The following RPSA2 variants were observed in gnomAD, a reference collection of about 807,000 sequenced individuals.
RPSA2 encodes the protein small ribosomal subunit protein uS2B.
chr19:23,862,096 C>T, the RPSA2 span, among the ~76,000 whole-genome samples: 1 of 151,968 alleles, frequency 6.6e-6, no homozygotes, highest in African/African-American at 2.4e-5. Context: ...CCTTCACGTC[C>T]CTTGTAAGTT....
the RPSA2 span, among the ~76,000 whole-genome samples, chr19:23,864,443 C>G: frequency 6.6e-6 from 1 of 152,044 alleles, no homozygotes; most frequent in South Asian, 2.1e-4. Flanking sequence ...ATACCCATAC[C>G]CCAAAGCATA....
At chr19:23,799,649 TAACCC>T in the RPSA2 span, among the ~76,000 whole-genome samples, 2 of 51,994 alleles carry the variant, frequency 3.8e-5, no homozygotes, top group Admixed American at 2.6e-4. Flanking sequence ...CGGAGTACTG[TAACCC>T]CGTCCTCAGG....
At chr19:23,764,167 A>T in the RPSA2 span, among the ~76,000 whole-genome samples, 1 of 152,174 alleles carries the variant, frequency 6.6e-6, no homozygotes, top group African/African-American at 2.4e-5. Context: ...CTGCTTTTTA[A>T]TTACTTTAAC....
At chr19:23,806,036 C>CTTCT in the RPSA2 span, among the ~76,000 whole-genome samples, 7,259 of 96,412 alleles carry the variant, frequency 0.075, 473 homozygotes, top group Admixed American at 0.19. Context: ...TCTATCTATC[C>CTTCT]TTCTTTCTTT....
chr19:23,846,211 A>C, the RPSA2 span, among the ~76,000 whole-genome samples: 1 of 152,128 alleles, frequency 6.6e-6, no homozygotes, highest in African/African-American at 2.4e-5. Context: ...GTATCTTACA[A>C]GTAAGGTGAG....
chr19:23,795,683 T>C, the RPSA2 span, among the ~76,000 whole-genome samples: 1 of 152,204 alleles, frequency 6.6e-6, no homozygotes, highest in Non-Finnish European at 1.5e-5. Context: ...CTGATTGCTC[T>C]GACCAGGACT....
the RPSA2 span, among the ~76,000 whole-genome samples, chr19:23,781,907 A>G: frequency 1.3e-5 from 2 of 152,134 alleles, no homozygotes; most frequent in Admixed American, 6.5e-5. Flanking sequence ...ACCCTTGGTA[A>G]TGTGATTCTA....
chr19:23,832,373 C>T, the RPSA2 span: 8 of 496,872 alleles, frequency 1.6e-5, no homozygotes, highest in East Asian at 3.4e-4. Flanking sequence ...AGAGTCCATA[C>T]TAGACAGAAA....
chr19:23,811,983 T>C, the RPSA2 span, among the ~76,000 whole-genome samples: 1 of 152,180 alleles, frequency 6.6e-6, no homozygotes, highest in Non-Finnish European at 1.5e-5. Flanking sequence ...TTTATTGCCA[T>C]ACAATAGATA....
the RPSA2 span, among the ~76,000 whole-genome samples, chr19:23,868,544 C>A: frequency 6.6e-6 from 1 of 152,138 alleles, no homozygotes; most frequent in Admixed American, 6.5e-5. Context: ...CCAGCCACCA[C>A]CTCAAACAAA....
At chr19:23,821,264 T>C in the RPSA2 span, among the ~76,000 whole-genome samples, 1 of 152,186 alleles carries the variant, frequency 6.6e-6, no homozygotes, top group Admixed American at 6.5e-5. Context: ...CTTTGAAGCA[T>C]GGGGGCCATC....
At chr19:23,859,772 A>C in the RPSA2 span, among the ~76,000 whole-genome samples, 1 of 152,188 alleles carries the variant, frequency 6.6e-6, no homozygotes, top group Non-Finnish European at 1.5e-5. Context: ...ATCTCCATTC[A>C]GCTCCCAGTG....
chr19:23,862,317 C>T, the RPSA2 span, among the ~76,000 whole-genome samples: 312 of 151,498 alleles, frequency 2.1e-3, 2 homozygotes, highest in African/African-American at 7.2e-3. Flanking sequence ...ATCATGTCAT[C>T]TACAAACAGG....
At chr19:23,811,349 A>G in the RPSA2 span, among the ~76,000 whole-genome samples, 12 of 152,222 alleles carry the variant, frequency 7.9e-5, no homozygotes, top group Admixed American at 7.9e-4. Flanking sequence ...GGGTCTTGTT[A>G]CATAACCCAG....
At chr19:23,832,269 G>T in the RPSA2 span, 444,302 of 448,382 alleles carry the variant, frequency 0.99, 220,272 homozygotes, top group East Asian at 1. Context: ...CAACCCTTAC[G>T]AAACATAAGA....
the RPSA2 span, chr19:23,832,588 C>T: frequency 8.4e-6 from 10 of 1,192,138 alleles, no homozygotes; most frequent in African/African-American, 3.1e-5. Context: ...TTAGCCAGTC[C>T]CCATACCTTA....
At chr19:23,852,685 C>T in the RPSA2 span, among the ~76,000 whole-genome samples, 6 of 152,116 alleles carry the variant, frequency 3.9e-5, no homozygotes, top group East Asian at 1.9e-4. Context: ...TCAGCTTGGG[C>T]GTTAGGGCCA....
the RPSA2 span, among the ~76,000 whole-genome samples, chr19:23,844,610 A>G: frequency 6.6e-6 from 1 of 152,048 alleles, no homozygotes; most frequent in African/African-American, 2.4e-5. Flanking sequence ...GTTTGCAAAT[A>G]TGTTCTTTTA....
the RPSA2 span, among the ~76,000 whole-genome samples, chr19:23,790,447 G>A: frequency 1.3e-5 from 2 of 152,132 alleles, no homozygotes; most frequent in South Asian, 4.1e-4. Flanking sequence ...AGTCCTCCCT[G>A]AAAAGGCTGC....
Sources: gnomAD v4.1 joint callset for allele counts (sites outside exome capture counted in the v4.1 genomes callset) on GRCh38, gnomAD v4.1.1 for gene constraint, MANE v1.5 for transcripts, NCBI Gene and HGNC (gene_info 2026-07-23, HGNC 2026-07-21) for gene names.